GALNT13: variants seen among roughly 807,000 people sequenced by gnomAD.
GALNT13 encodes the protein polypeptide N-acetylgalactosaminyltransferase 13.
Under a neutral mutation model 64.2 loss-of-function variants are expected in GALNT13, and 28 were observed. That is an observed-to-expected ratio of 0.44 (90% CI 0.32 to 0.60). The LOEUF (loss-of-function observed/expected upper bound fraction) is 0.60, where lower values mean the gene tolerates loss of function less well. Ranked by LOEUF, GALNT13 falls within the 20% of genes least tolerant of loss-of-function variation. The pLI, the probability that GALNT13 is intolerant of heterozygous loss-of-function variation, is 0.05. For missense variants in GALNT13, 577 were observed against 669.8 expected, an observed-to-expected ratio of 0.86 and a Z score of 1.53; for synonymous variants, 214 against 224.6, an observed-to-expected ratio of 0.95 and a Z score of 0.42.
chr2:153,543,558 G>A, the GALNT13 span, among the ~76,000 whole-genome samples: 1 of 152,170 alleles, frequency 6.6e-6, no homozygotes, highest in Non-Finnish European at 1.5e-5. Context: ...TACATGTTAG[G>A]GAGATGGAAT....
At chr2:153,989,210 C>T (rs1011470008) in intron 3 of GALNT13, among the ~76,000 whole-genome samples, 37 of 151,916 alleles carry the variant, frequency 2.4e-4, no homozygotes, top group Non-Finnish European at 5.0e-4. Flanking sequence ...CATGCATTAA[C>T]TTATTTTTTG....
At chr2:154,111,577 C>A (rs1211815081) in intron 3 of GALNT13, among the ~76,000 whole-genome samples, 1 of 152,068 alleles carries the variant, frequency 6.6e-6, no homozygotes, top group Non-Finnish European at 1.5e-5. Context: ...GAACTAAGAC[C>A]TCTAGGCCAG....
chr2:153,628,015 C>G, the GALNT13 span, among the ~76,000 whole-genome samples: 2 of 151,964 alleles, frequency 1.3e-5, no homozygotes, highest in African/African-American at 4.8e-5. Context: ...TTTGTATACT[C>G]TTATTTCATT....
At chr2:153,822,106 A>G in the GALNT13 span, among the ~76,000 whole-genome samples, 4 of 152,164 alleles carry the variant, frequency 2.6e-5, no homozygotes, top group African/African-American at 9.6e-5. Context: ...ACAACCAGCC[A>G]AACAGAGCTC....
chr2:154,013,550 C>T (rs1310702882), intron 3 of GALNT13, among the ~76,000 whole-genome samples: 1 of 152,084 alleles, frequency 6.6e-6, no homozygotes, highest in East Asian at 1.9e-4. Context: ...GAGGTGCTGA[C>T]AGGGGCGGGC....
rs751911235 is a variant in GALNT13, at chr2:154,140,470, C to T, written c.276C>T (p.Ala92=). The change falls in exon 4 of 13, where the codon GCC becomes GCT. Residue 92 remains alanine, a synonymous_variant. Transcript: ENST00000392825. ...QFNLMASDLI[A]LNRSLPDVRL... ...ACCTTATGGCCAGTGATTTGATTGC[C>T]CTTAATAGAAGTCTGCCAGATGTAA... 1 of 1,611,514 alleles carries T rather than the reference C, an allele frequency of 6.2e-7. No individual in the cohort carries two copies. Among genetic ancestry groups the T allele is most frequent in the Non-Finnish European group, 8.5e-7 (1 of 1,178,302 alleles).
chr2:153,297,960 A>T, the GALNT13 span, among the ~76,000 whole-genome samples: 1 of 152,286 alleles, frequency 6.6e-6, no homozygotes, highest in Non-Finnish European at 1.5e-5. Context: ...TAGAATACAC[A>T]CCTGGGCATA....
At chr2:153,835,457 A>C in the GALNT13 span, among the ~76,000 whole-genome samples, 651 of 152,204 alleles carry the variant, frequency 4.3e-3, 1 homozygote, top group Non-Finnish European at 7.1e-3. Flanking sequence ...TTGAGTAATA[A>C]AAAATAATTA....
chr2:153,991,617 G>A (rs188359449), intron 3 of GALNT13, among the ~76,000 whole-genome samples: 15 of 152,224 alleles, frequency 9.9e-5, no homozygotes, highest in African/African-American at 3.1e-4. Context: ...TGTAGGTATG[G>A]TAGTGAGGGG....
chr2:153,837,332 T>C, the GALNT13 span, among the ~76,000 whole-genome samples: 1 of 152,214 alleles, frequency 6.6e-6, no homozygotes, highest in Non-Finnish European at 1.5e-5. Context: ...GTTCATATCC[T>C]TTGCCCAGTT....
the GALNT13 span, among the ~76,000 whole-genome samples, chr2:153,634,542 CTT>C: frequency 3.3e-5 from 3 of 91,236 alleles, no homozygotes; most frequent in African/African-American, 4.6e-5. Flanking sequence ...AGATGGAAAT[CTT>C]TTTTTTTTTT....
chr2:153,130,586 CCAGACACA>C, the GALNT13 span, among the ~76,000 whole-genome samples: 13 of 152,122 alleles, frequency 8.5e-5, no homozygotes, highest in Non-Finnish European at 1.8e-4. Context: ...TCAATACACC[CCAGACACA>C]CAGGCCACCT....
At chr2:154,262,821 A>C (rs1042066928) in intron 8 of GALNT13, among the ~76,000 whole-genome samples, 1 of 152,174 alleles carries the variant, frequency 6.6e-6, no homozygotes, top group Non-Finnish European at 1.5e-5. Context: ...TGGAGGATAC[A>C]TAGGGGTTGA....
the GALNT13 span, among the ~76,000 whole-genome samples, chr2:153,297,084 C>T: frequency 6.6e-6 from 1 of 152,186 alleles, no homozygotes; most frequent in African/African-American, 2.4e-5. Flanking sequence ...GCCATCAGCA[C>T]ACCTTTGAAA....
chr2:153,507,761 A>G, the GALNT13 span, among the ~76,000 whole-genome samples: 1 of 152,206 alleles, frequency 6.6e-6, no homozygotes, highest in Non-Finnish European at 1.5e-5. Flanking sequence ...TCATATTACC[A>G]GAATTGTTAT....
intron 3 of GALNT13, among the ~76,000 whole-genome samples, chr2:154,130,977 C>T (rs547277021): frequency 1.4e-4 from 21 of 151,154 alleles, no homozygotes; most frequent in Non-Finnish European, 3.1e-4. Context: ...ATGGTTATTT[C>T]AAAAAAAAAT....
chr2:154,424,137 T>C (rs962222414), intron 11 of GALNT13, among the ~76,000 whole-genome samples: 3 of 152,078 alleles, frequency 2.0e-5, no homozygotes, highest in African/African-American at 7.2e-5. Flanking sequence ...GATGGGATCT[T>C]GGAAAAAAGG....
At chr2:153,969,893 T>C (rs185283259) in intron 3 of GALNT13, among the ~76,000 whole-genome samples, 2 of 152,308 alleles carry the variant, frequency 1.3e-5, no homozygotes, top group African/African-American at 4.8e-5. Flanking sequence ...TTATTCAAGA[T>C]GTGAGCTGGA....
At chr2:153,700,323 G>C in the GALNT13 span, among the ~76,000 whole-genome samples, 9 of 151,980 alleles carry the variant, frequency 5.9e-5, no homozygotes, top group East Asian at 1.7e-3. Flanking sequence ...CTCAAACTAG[G>C]TATTGATGGA....
Sources: gnomAD v4.1 joint callset for allele counts (sites outside exome capture counted in the v4.1 genomes callset) on GRCh38, gnomAD v4.1.1 for gene constraint, MANE v1.5 for transcripts, NCBI Gene and HGNC (gene_info 2026-07-23, HGNC 2026-07-21) for gene names.